AFF2: variants seen among roughly 807,000 people sequenced by gnomAD.
The protein encoded by AFF2 is ALF transcription elongation factor 2.
Under a neutral mutation model 76.9 loss-of-function variants are expected in AFF2, and 14 were observed. That is an observed-to-expected ratio of 0.18 (90% CI 0.12 to 0.28). The LOEUF (loss-of-function observed/expected upper bound fraction) is 0.28. AFF2 is among the 10% of genes least tolerant of loss of function. The pLI is 1.00. For synonymous variants in AFF2, 398 were observed against 366.7 expected, an observed-to-expected ratio of 1.09 and a Z score of -0.98; for missense variants, 868 against 1,001.1, an observed-to-expected ratio of 0.87 and a Z score of 1.79.
At chrX:148,973,132 A>G (rs2072279491) in intron 15 of AFF2, among the ~76,000 whole-genome samples, 1 of 108,560 alleles carries the variant, frequency 9.2e-6, no homozygotes, top group African/African-American at 3.4e-5. Flanking sequence ...CCATTGATCT[A>G]TATCTCTGTT....
intron 3 of AFF2, among the ~76,000 whole-genome samples, chrX:148,682,490 A>G (rs184364575): frequency 1.3e-3 from 142 of 111,221 alleles, no homozygotes; most frequent in African/African-American, 4.0e-3. Context: ...GAAAGATGCA[A>G]AATGCAGGAA....
rs782458297 is a variant in AFF2 at position 148,562,083 on chromosome X, A to T, written c.47+60939A>T. On this transcript the variant is annotated intron_variant, in intron 1 of 20. Transcript: ENST00000370460. The stretch of plus-strand genomic sequence containing the variant: ...TGGGAAAATGTTAATGAAAGTGGTG[A>T]GTTCCCACCCACTAACGTTGTTGCT... 2.7e-5 allele frequency among the ~76,000 whole-genome samples: 3 copies of T among 112,395 alleles called. No homozygotes were observed. In the East Asian group the frequency reaches 8.5e-4, roughly 32 times the overall value.
chrX:148,759,477 A>G (rs782661957), intron 3 of AFF2, among the ~76,000 whole-genome samples: 1 of 112,396 alleles, frequency 8.9e-6, no homozygotes, highest in East Asian at 2.8e-4. Context: ...GAATGAGTTC[A>G]AGGATTATTA....
At chrX:148,759,494 T>C (rs1398158947) in intron 3 of AFF2, among the ~76,000 whole-genome samples, 1 of 112,091 alleles carries the variant, frequency 8.9e-6, no homozygotes, top group Admixed American at 9.5e-5. Context: ...ATTACTGAGA[T>C]AAGAAAGGTT....
Position 148,809,877 on chromosome X carries a change from T to A in AFF2, c.1043T>A (p.Val348Glu), listed in dbSNP as rs781998587. The part of the protein sequence containing the change: ...PKFTILQTSE[V>E]SLPSDPSCVE... ...TGTTTTCTGTTTATTTTGTTTCAGGTAAGCCTTCCCAGTGATCCAAGCTGT... is the reference window on the plus strand; with the variant it reads ...TGTTTTCTGTTTATTTTGTTTCAGGAAAGCCTTCCCAGTGATCCAAGCTGT... Residue 348 changes from valine to glutamate, a missense_variant and splice_region_variant, in exon 4 of 21, where the codon GTA becomes GAA. Val to Glu is a moderately radical substitution (Grantham distance 121). Transcript: ENST00000370460. 8 of 1,209,125 alleles carry A rather than the reference T, an allele frequency of 6.6e-6. No individual in the cohort carries two copies. The highest frequency in any genetic ancestry group is 1.7e-5 in the African/African-American group (1 of 57,323).
chrX:148,853,160 A>C (rs2070750400), intron 7 of AFF2, among the ~76,000 whole-genome samples: 1 of 112,030 alleles, frequency 8.9e-6, no homozygotes, highest in African/African-American at 3.2e-5. Flanking sequence ...AAGGAAAAAT[A>C]ACAAAATAAT....
intron 4 of AFF2, among the ~76,000 whole-genome samples, chrX:148,834,677 G>A (rs781968076): frequency 5.5e-4 from 61 of 111,489 alleles, no homozygotes; most frequent in African/African-American, 1.9e-3. Context: ...ATGACTGGGT[G>A]AAGGATTAGT....
intron 13 of AFF2, among the ~76,000 whole-genome samples, chrX:148,963,293 G>T (rs2072133039): frequency 9.0e-6 from 1 of 111,708 alleles, no homozygotes; most frequent in African/African-American, 3.3e-5. Flanking sequence ...AAATCACTAG[G>T]CTTCTCTGAT....
chrX:148,615,391 T>A (rs1557250184), intron 1 of AFF2, among the ~76,000 whole-genome samples: 3 of 111,900 alleles, frequency 2.7e-5, no homozygotes, highest in African/African-American at 9.7e-5. Flanking sequence ...GTCGTTTTGG[T>A]GGTTTAAAGT....
At chrX:148,727,790 T>C (rs2055177764) in intron 3 of AFF2, among the ~76,000 whole-genome samples, 1 of 112,179 alleles carries the variant, frequency 8.9e-6, no homozygotes, top group Non-Finnish European at 1.9e-5. Flanking sequence ...GCATGGAAAT[T>C]GTACAGCACT....
At chrX:148,670,384 T>C (rs782141259) in intron 3 of AFF2, among the ~76,000 whole-genome samples, 92 of 111,809 alleles carry the variant, frequency 8.2e-4, no homozygotes, top group Middle Eastern at 4.6e-3. Context: ...TTAGAGTAGT[T>C]CAAGAGGAAT....
chrX:148,504,468 CA>C (rs1948718601), intron 1 of AFF2, among the ~76,000 whole-genome samples: 1 of 112,735 alleles, frequency 8.9e-6, no homozygotes, highest in South Asian at 3.7e-4. Flanking sequence ...GGGACAGCAT[CA>C]ATTGTTTGTA....
At chrX:148,789,877 T>C (rs781976904) in intron 3 of AFF2, among the ~76,000 whole-genome samples, 1 of 111,709 alleles carries the variant, frequency 9.0e-6, no homozygotes, top group Non-Finnish European at 1.9e-5. Context: ...TTCCAGCCTT[T>C]TCAATTCATA....
At position 148,500,706 on chromosome X, in the gene AFF2, G is replaced by GCCGCCGC. The variant is rs1228137946; in HGVS notation, c.-391_-390insCGCCGCC. ...CCGCTGCCGCCCCGGCTGCCGCGCC[G>GCCGCCGC]CGCCGCTGCCTCTGCCCCGGCCGCC... On this transcript the variant is annotated 5_prime_UTR_variant, in exon 1 of 21. Coordinates refer to ENST00000370460, the MANE Select transcript of AFF2 (RefSeq NM_002025.4). The GCCGCCGC allele has an allele frequency of 1.4e-5, 1 of 70,658 alleles. No individual in the cohort carries two copies. Among genetic ancestry groups the GCCGCCGC allele is most frequent in the Non-Finnish European group, 2.8e-5 (1 of 35,093 alleles). 5.8% of individuals were successfully genotyped at this position (70,658 alleles called of 1,213,427 possible).
chrX:148,827,559 A>T (rs1372953193), intron 4 of AFF2, among the ~76,000 whole-genome samples: 4 of 112,060 alleles, frequency 3.6e-5, no homozygotes, highest in African/African-American at 9.7e-5. Context: ...GTGTTGTTGC[A>T]TTGACACCGT....
chrX:148,622,161 G>T (rs1334112991), intron 1 of AFF2, among the ~76,000 whole-genome samples: 4 of 112,107 alleles, frequency 3.6e-5, no homozygotes, highest in Non-Finnish European at 5.6e-5. Context: ...CTTTGCGAAA[G>T]CTCTGACAAT....
intron 3 of AFF2, among the ~76,000 whole-genome samples, chrX:148,769,508 A>G (rs2069560206): frequency 8.9e-6 from 1 of 111,757 alleles, no homozygotes; most frequent in African/African-American, 3.2e-5. Flanking sequence ...ACTGTTCTTT[A>G]TGTTCCTCAG....
chrX:148,781,501 T>A (rs1248359767), intron 3 of AFF2, among the ~76,000 whole-genome samples: 3 of 112,112 alleles, frequency 2.7e-5, no homozygotes, highest in Non-Finnish European at 5.6e-5. Context: ...CAGTCCAAAC[T>A]TTGTGGTGGC....
intron 4 of AFF2, among the ~76,000 whole-genome samples, chrX:148,811,838 A>G (rs927958640): frequency 8.9e-6 from 1 of 112,197 alleles, no homozygotes; most frequent in Admixed American, 9.4e-5. Context: ...TCACTTACAC[A>G]TGGAAAGAAA....
Sources: gnomAD v4.1 joint callset for allele counts (sites outside exome capture counted in the v4.1 genomes callset) on GRCh38, gnomAD v4.1.1 for gene constraint, MANE v1.5 for transcripts, NCBI Gene and HGNC (gene_info 2026-07-23, HGNC 2026-07-21) for gene names.